INPP5A: variants seen among roughly 807,000 people sequenced by gnomAD.
The protein encoded by INPP5A is inositol polyphosphate-5-phosphatase A, also known as 43 kDa inositol polyphosphate 5-phophatase.
In INPP5A, 14 loss-of-function variants were observed where a neutral mutation model predicts 65.2. The observed-to-expected ratio is 0.21, with a 90% CI of 0.14 to 0.34. INPP5A has a LOEUF of 0.34. Among genes scored for constraint, INPP5A ranks in the 10% least tolerant of loss-of-function variants. The pLI, the probability that INPP5A is intolerant of heterozygous loss-of-function variation, is 1.00. For synonymous variants in INPP5A, 207 were observed against 208.3 expected, an observed-to-expected ratio of 0.99 and a Z score of 0.05; for missense variants, 431 against 545.6, an observed-to-expected ratio of 0.79 and a Z score of 2.09.
In INPP5A at chr10:132,704,909, C is replaced by A. The variant is rs1209437605; in HGVS notation, c.475-3404C>A. On this transcript the variant is annotated intron_variant, in intron 6 of 15. Coordinates refer to ENST00000368594, the MANE Select transcript of INPP5A (RefSeq NM_005539.5). The surrounding 1 kb of genome is among the most constrained non-coding windows in gnomAD (Gnocchi z 4.5). ...TGGAGTGTGGAGGATGGAGGAAGGGCGTCTGGACAGGCGGCAGGCAGCTCC... is the reference window on the plus strand; with the variant it reads ...TGGAGTGTGGAGGATGGAGGAAGGGAGTCTGGACAGGCGGCAGGCAGCTCC... Among the ~76,000 whole-genome samples, 1 of 144,104 alleles carries A rather than the reference C, an allele frequency of 6.9e-6. No homozygotes were observed. Among genetic ancestry groups the A allele is most frequent in the African/African-American group, 2.6e-5 (1 of 38,896 alleles). 94.5% of individuals were successfully genotyped at this position (144,104 alleles called of 152,430 possible). A position where few individuals can be genotyped will look rare whatever the true frequency, so the allele number is the denominator to read the frequency against.
intron 4 of INPP5A, among the ~76,000 whole-genome samples, chr10:132,680,854 A>G (rs1006671305): frequency 1.3e-5 from 2 of 152,190 alleles, no homozygotes; most frequent in Admixed American, 6.5e-5. Flanking sequence ...CCGGCGCTGC[A>G]CTCAATTTCT....
intron 2 of INPP5A, among the ~76,000 whole-genome samples, chr10:132,624,205 A>G (rs918741860): frequency 5.9e-5 from 9 of 152,186 alleles, no homozygotes; most frequent in African/African-American, 1.7e-4. Flanking sequence ...AGCCTGAAGC[A>G]AATGTTCACA....
chr10:132,746,664 T>C (rs1464411111), intron 9 of INPP5A, among the ~76,000 whole-genome samples: 2 of 152,238 alleles, frequency 1.3e-5, no homozygotes, highest in East Asian at 3.9e-4. Context: ...ATTCTAAGTG[T>C]GGATAAGACG....
In INPP5A at chr10:132,741,178, G is replaced by A. The variant is rs1185032092; in HGVS notation, c.733-8339G>A. 2.0e-5 allele frequency among the ~76,000 whole-genome samples: 3 copies of A among 152,222 alleles called. No individual in the cohort carries two copies. The highest frequency in any genetic ancestry group is 4.4e-5 in the Non-Finnish European group (3 of 68,042). The stretch of plus-strand genomic sequence containing the variant: ...AGCCCGGAGGTCGAGGCTGCAGTGA[G>A]CCAGCCATGATCACATCACTGCACT... On this transcript the variant is annotated intron_variant, in intron 9 of 15. Transcript: ENST00000368594. The surrounding 1 kb of genome is among the most constrained non-coding windows in gnomAD (Gnocchi z 4.4).
chr10:132,543,254 C>T (rs897801314), intron 1 of INPP5A, among the ~76,000 whole-genome samples: 2 of 152,098 alleles, frequency 1.3e-5, no homozygotes, highest in African/African-American at 4.8e-5. Flanking sequence ...CCAGCCTCCC[C>T]ACCCCCTGCA....
intron 8 of INPP5A, among the ~76,000 whole-genome samples, chr10:132,712,587 G>A (rs1384765613): frequency 6.7e-6 from 1 of 149,858 alleles, no homozygotes; most frequent in Non-Finnish European, 1.5e-5. Context: ...TGTGAGTGCG[G>A]GTGTATGTGT....
chr10:132,696,096 G>A (rs1302889770), intron 5 of INPP5A, among the ~76,000 whole-genome samples: 3 of 152,168 alleles, frequency 2.0e-5, no homozygotes, highest in Non-Finnish European at 2.9e-5. Context: ...CACTATCTGT[G>A]AGGAACCTCA....
chr10:132,632,615 C>G (rs565875427), intron 2 of INPP5A, among the ~76,000 whole-genome samples: 2 of 152,306 alleles, frequency 1.3e-5, no homozygotes, highest in East Asian at 3.9e-4. Flanking sequence ...ACCACTGCAC[C>G]CCGCCCAGAT....
At chr10:132,653,537 C>T (rs536400811) in intron 4 of INPP5A, among the ~76,000 whole-genome samples, 3 of 152,238 alleles carry the variant, frequency 2.0e-5, no homozygotes, top group Admixed American at 2.0e-4. Context: ...TCCAGCAAAA[C>T]AGTCGCCAGG....
Position 132,706,055 on chromosome 10 carries a change from A to T in INPP5A, c.475-2258A>T, listed in dbSNP as rs1845533504. Among the ~76,000 whole-genome samples, 1 of 152,246 alleles carries T rather than the reference A, an allele frequency of 6.6e-6. No homozygotes were observed. Among genetic ancestry groups the T allele is most frequent in the Non-Finnish European group, 1.5e-5 (1 of 68,048 alleles). ...AAACAGAAATAAAACAAGAAAAGGG[A>T]ATATGAAGAGGAGCCTGTAGAAACA... On this transcript the variant is annotated intron_variant, in intron 6 of 15. Coordinates refer to ENST00000368594, the MANE Select transcript of INPP5A (RefSeq NM_005539.5). This position sits in a 1 kb window ranked among gnomAD's most constrained non-coding sequence, Gnocchi z 4.7.
chr10:132,542,777 C>T (rs967492331), intron 1 of INPP5A, among the ~76,000 whole-genome samples: 2 of 152,208 alleles, frequency 1.3e-5, no homozygotes, highest in Non-Finnish European at 2.9e-5. Context: ...AGAATTCGCA[C>T]ACCATGCCCC....
chr10:132,718,745 G>C (rs1392632844), intron 8 of INPP5A, among the ~76,000 whole-genome samples: 3 of 149,564 alleles, frequency 2.0e-5, no homozygotes, highest in Non-Finnish European at 1.5e-5. Flanking sequence ...GTTCTGTCTG[G>C]GCACCTTAGA....
intron 1 of INPP5A, among the ~76,000 whole-genome samples, chr10:132,591,897 T>G (rs1366221437): frequency 6.6e-6 from 1 of 152,144 alleles, no homozygotes; most frequent in Non-Finnish European, 1.5e-5. Context: ...TGTTTCCTTG[T>G]CCGAGGGAAT....
At chr10:132,576,328 A>T (rs1279115530) in intron 1 of INPP5A, among the ~76,000 whole-genome samples, 1 of 152,204 alleles carries the variant, frequency 6.6e-6, no homozygotes, top group Non-Finnish European at 1.5e-5. Context: ...AGAGGAGAGT[A>T]TGGAGAGGTT....
At chr10:132,780,646 A>G (rs1847144160) in intron 13 of INPP5A, among the ~76,000 whole-genome samples, 1 of 152,256 alleles carries the variant, frequency 6.6e-6, no homozygotes, top group Non-Finnish European at 1.5e-5. Flanking sequence ...GCGCTGCCAC[A>G]TCACCAGAGC....
chr10:132,663,367 GT>G lies in INPP5A; in HGVS notation c.306+12863del, dbSNP rs2072760944. Among the ~76,000 whole-genome samples the G allele has an allele frequency of 6.6e-6, 1 of 152,032 alleles. No homozygotes were observed. Among genetic ancestry groups the G allele is most frequent in the Admixed American group, 6.5e-5 (1 of 15,272 alleles). On this transcript the variant is annotated intron_variant, in intron 4 of 15. Transcript: ENST00000368594. The surrounding 1 kb of genome is among the most constrained non-coding windows in gnomAD (Gnocchi z 4.5). ...CTCCCAAGTAGCTGAGGATACAGGT[GT>G]GCATCACCACGCCTGGCTAAAAAAA...
chr10:132,747,108 G>T (rs986410199), intron 9 of INPP5A, among the ~76,000 whole-genome samples: 1 of 152,342 alleles, frequency 6.6e-6, no homozygotes, highest in African/African-American at 2.4e-5. Context: ...TTCCTGAGCC[G>T]CGTCCTGGGA....
intron 2 of INPP5A, among the ~76,000 whole-genome samples, chr10:132,610,418 C>T (rs934292682): frequency 6.6e-5 from 10 of 152,366 alleles, no homozygotes; most frequent in South Asian, 6.2e-4. Context: ...GGGCCTAGCT[C>T]CGGGCCTGCA....
intron 9 of INPP5A, among the ~76,000 whole-genome samples, chr10:132,745,746 CT>C (rs1442730820): frequency 2.2e-5 from 3 of 138,624 alleles, no homozygotes; most frequent in African/African-American, 8.4e-5. Context: ...TGGGCCTCAG[CT>C]GTGGTGGCCT....
Sources: gnomAD v4.1 joint callset for allele counts (sites outside exome capture counted in the v4.1 genomes callset) on GRCh38, gnomAD v4.1.1 for gene constraint, Gnocchi (gnomAD v3.1) non-coding constraint, MANE v1.5 for transcripts, NCBI Gene and HGNC (gene_info 2026-07-23, HGNC 2026-07-21) for gene names.